TNRC6C: variants seen among roughly 807,000 people sequenced by gnomAD.
TNRC6C encodes the protein trinucleotide repeat-containing gene 6C protein.
In TNRC6C, 20 loss-of-function variants were observed where a neutral mutation model predicts 153.7. That is an observed-to-expected ratio of 0.13 (90% CI 0.09 to 0.19). The LOEUF is 0.19. Among genes scored for constraint, TNRC6C ranks in the 10% least tolerant of loss-of-function variants. TNRC6C has a pLI of 1.00. For synonymous variants in TNRC6C, 811 were observed against 841.4 expected, an observed-to-expected ratio of 0.96 and a Z score of 0.63; for missense variants, 1,987 against 2,172.0, an observed-to-expected ratio of 0.91 and a Z score of 1.69.
rs370148948 is a variant in TNRC6C, at chr17:78,100,824, G to C, written c.4502-1650G>C. On this transcript the variant is annotated intron_variant, in intron 17 of 19. Coordinates refer to ENST00000301624, the Ensembl canonical transcript of TNRC6C. ...GAGTTTCACTCTTGTCACCCAGGCC[G>C]GAGTACAGTGGCGTGATCTCGGCTC... Among the ~76,000 whole-genome samples, 3 of 141,016 alleles carry C rather than the reference G, an allele frequency of 2.1e-5. No homozygotes were observed. In the South Asian group the frequency reaches 6.8e-4, roughly 32 times the overall value. 92.5% of individuals were successfully genotyped at this position (141,016 alleles called of 152,430 possible).
At chr17:78,103,990 A>C (rs565972665) in intron 19 of TNRC6C, among the ~76,000 whole-genome samples, 11 of 152,226 alleles carry the variant, frequency 7.2e-5, no homozygotes, top group Non-Finnish European at 1.3e-4. Flanking sequence ...GACACAGGTC[A>C]GTTCCTCACA....
intron 13 of TNRC6C, 148 bp downstream of exon 15, chr17:78,087,241 C>G: frequency 7.2e-7 from 1 of 1,388,772 alleles, no homozygotes; most frequent in Non-Finnish European, 9.5e-7. Context: ...CAGACAAAAT[C>G]GGAGAGCAGG....
intron 13 of TNRC6C, among the ~76,000 whole-genome samples, chr17:78,089,222 C>T (rs2073352919): frequency 6.6e-6 from 1 of 152,110 alleles, no homozygotes; most frequent in Non-Finnish European, 1.5e-5. Context: ...CTCACCTAAG[C>T]CTCCCAAAGT....
rs2073144286 is a variant in TNRC6C, at chr17:78,079,626, T to C, written c.3357+85T>C. 2.1e-5 allele frequency: 32 copies of C among 1,518,142 alleles called. 1 individual carries two copies. In the South Asian group the frequency reaches 3.8e-4, roughly 18 times the overall value. The allele number at this position is 1,518,142 out of a possible 1,614,324, so 94.0% of individuals were successfully genotyped here. On this transcript the variant is annotated intron_variant, in intron 10 of 19. Transcript: ENST00000301624. This position sits in a 1 kb window ranked among gnomAD's most constrained non-coding sequence, Gnocchi z 4.3. ...GTCCTGTGTTATCTGGAAGTCACTA[T>C]TTTAAAGTGAGAGCGGAGTTAATCC...
chr17:78,086,647 C>A, intron 12 of TNRC6C, 61 bp downstream of exon 14: 3 of 1,564,382 alleles, frequency 1.9e-6, no homozygotes, highest in Non-Finnish European at 2.6e-6. Context: ...AGAAGAGACG[C>A]TAATTGATGA....
At chr17:78,039,675 C>A (rs116488867) in intron 2 of TNRC6C, among the ~76,000 whole-genome samples, 379 of 152,298 alleles carry the variant, frequency 2.5e-3, no homozygotes, top group African/African-American at 9.0e-3. Context: ...GGCTGCCATC[C>A]CTCGTGGGAA....
intron 1 of TNRC6C, among the ~76,000 whole-genome samples, chr17:78,025,294 C>T (rs766682346): frequency 3.3e-5 from 5 of 152,174 alleles, no homozygotes; most frequent in Non-Finnish European, 5.9e-5. Flanking sequence ...TTGCCTTCTC[C>T]AAAATGTCAC....
intron 1 of TNRC6C, among the ~76,000 whole-genome samples, chr17:78,011,528 G>T (rs2071630764): frequency 2.0e-5 from 3 of 152,086 alleles, no homozygotes; most frequent in Admixed American, 2.0e-4. Context: ...CCTTTTTATT[G>T]CTGAGCAGTG....
upstream of TNRC6C, chr17:78,004,933 C>T (rs2071470366): frequency 1.4e-6 from 1 of 722,304 alleles, no homozygotes; most frequent in South Asian, 7.4e-5. Flanking sequence ...ATTAACTGGG[C>T]AAAAACTCAT....
At position 78,079,752 on chromosome 17, in the gene TNRC6C, G is replaced by A. The variant is rs1396670605; in HGVS notation, c.3357+211G>A. 6.6e-6 allele frequency among the ~76,000 whole-genome samples: 1 copy of A among 152,172 alleles called. No homozygotes were observed. The highest frequency in any genetic ancestry group is 1.5e-5 in the Non-Finnish European group (1 of 68,028). On this transcript the variant is annotated intron_variant, in intron 10 of 19. Coordinates refer to ENST00000301624, the Ensembl canonical transcript of TNRC6C. The surrounding 1 kb of genome is among the most constrained non-coding windows in gnomAD (Gnocchi z 4.3). ...GACCCAGGAGACATTTTCAGAGCTTGCTCCTTGGAATGCCTCAGCCACCGA... is the reference window on the plus strand; with the variant it reads ...GACCCAGGAGACATTTTCAGAGCTTACTCCTTGGAATGCCTCAGCCACCGA...
chr17:77,963,070 G>T (rs567480263), intron 1 of TNRC6C, among the ~76,000 whole-genome samples: 1 of 152,156 alleles, frequency 6.6e-6, no homozygotes, highest in Non-Finnish European at 1.5e-5. Context: ...GTGTGGTCAC[G>T]AGGAGAGCAT....
At chr17:78,058,858 T>G (rs1188176613) in intron 3 of TNRC6C, among the ~76,000 whole-genome samples, 1 of 152,228 alleles carries the variant, frequency 6.6e-6, no homozygotes, top group African/African-American at 2.4e-5. Flanking sequence ...TGTGGGTACT[T>G]AATCTGGTGA....
chr17:78,106,243 A>T (rs961693491), exon 20 of TNRC6C: 6 of 147,252 alleles, frequency 4.1e-5, no homozygotes, highest in Non-Finnish European at 7.5e-5. Flanking sequence ...TTAAAAATTT[A>T]AAAAGGAATT....
intron 1 of TNRC6C, among the ~76,000 whole-genome samples, chr17:77,975,027 G>C (rs2070978546): frequency 6.9e-6 from 1 of 144,222 alleles, no homozygotes; most frequent in South Asian, 2.2e-4. Context: ...AAATAAGCCA[G>C]ATTAAAAAAG....
intron 1 of TNRC6C, among the ~76,000 whole-genome samples, chr17:78,016,296 C>T (rs902092737): frequency 6.6e-6 from 1 of 152,250 alleles, no homozygotes; most frequent in Non-Finnish European, 1.5e-5. Context: ...ATCTCCAGTA[C>T]TGTGCTTACA....
intron 19 of TNRC6C, among the ~76,000 whole-genome samples, 170 bp downstream of exon 22, chr17:78,103,723 C>T (rs2073638624): frequency 6.6e-6 from 1 of 152,186 alleles, no homozygotes; most frequent in South Asian, 2.1e-4. Context: ...AAGGTGTGGG[C>T]AGGGCTGGTT....
chr17:78,073,903 A>G (rs1378267434), intron 7 of TNRC6C, among the ~76,000 whole-genome samples: 1 of 152,206 alleles, frequency 6.6e-6, no homozygotes, highest in African/African-American at 2.4e-5. Flanking sequence ...TCATCTCATG[A>G]ATCCACAAAT....
chr17:78,072,919 G>A (rs1185919239), intron 6 of TNRC6C, 118 bp from the exon 9 acceptor site: 4 of 660,726 alleles, frequency 6.1e-6, no homozygotes, highest in Non-Finnish European at 1.0e-5. Flanking sequence ...GTGAAGAAAT[G>A]TATTTCCAGT....
intron 1 of TNRC6C, among the ~76,000 whole-genome samples, chr17:77,986,324 A>T (rs1045949752): frequency 2.0e-5 from 3 of 151,920 alleles, no homozygotes; most frequent in African/African-American, 7.2e-5. Context: ...CTGAGGCAGG[A>T]GAATCGTTTG....
Sources: allele counts gnomAD v4.1 joint callset (sites outside exome capture counted in the v4.1 genomes callset), GRCh38; gene constraint gnomAD v4.1.1; non-coding constraint Gnocchi (gnomAD v3.1); transcripts MANE v1.5; gene names NCBI Gene and HGNC (gene_info 2026-07-23, HGNC 2026-07-21).